The following DLG2 variants were observed in gnomAD, a reference collection of about 807,000 sequenced individuals.
DLG2 encodes the protein disks large homolog 2.
DLG2 carries 45 observed loss-of-function variants against 132.5 expected under a neutral mutation model. The ratio of observed to expected loss-of-function variants is 0.34; its 90% CI spans 0.27 to 0.44. The LOEUF is 0.44. DLG2 is among the 20% of genes least tolerant of loss of function. DLG2 has a pLI of 1.00. For missense variants in DLG2, 1,045 were observed against 1,196.9 expected (o/e 0.87, Z 1.87); for synonymous variants, 424 against 419.6 (o/e 1.01, Z -0.13).
intron 7 of DLG2, among the ~76,000 whole-genome samples, chr11:84,308,100 C>T (rs1332360135): frequency 1.3e-5 from 2 of 152,190 alleles, no homozygotes; most frequent in African/African-American, 4.8e-5. Flanking sequence ...ACTGCTGGCT[C>T]TGGGAGCAGC....
At chr11:84,935,060 T>C (rs931394014) in intron 6 of DLG2, among the ~76,000 whole-genome samples, 2 of 152,174 alleles carry the variant, frequency 1.3e-5, no homozygotes, top group East Asian at 3.9e-4. Flanking sequence ...ATTTATCCAG[T>C]TACATAAGTC....
intron 6 of DLG2, among the ~76,000 whole-genome samples, chr11:84,869,446 T>G (rs1477404471): frequency 6.6e-6 from 1 of 152,188 alleles, no homozygotes; most frequent in African/African-American, 2.4e-5. Flanking sequence ...TTTAAATTAG[T>G]GTGGCTCTGT....
chr11:84,063,517 C>T (rs2096623588), intron 10 of DLG2, among the ~76,000 whole-genome samples: 1 of 107,082 alleles, frequency 9.3e-6, no homozygotes, highest in South Asian at 3.9e-4. Flanking sequence ...CAGGTAATAT[C>T]TACTCTCTCA....
At chr11:84,406,691 A>G (rs1322248455) in intron 7 of DLG2, among the ~76,000 whole-genome samples, 1 of 152,124 alleles carries the variant, frequency 6.6e-6, no homozygotes, top group Non-Finnish European at 1.5e-5. Context: ...GCCTTTTTCA[A>G]TTCTGGAGGG....
intron 18 of DLG2, among the ~76,000 whole-genome samples, chr11:83,634,045 T>C (rs1209992212): frequency 1.3e-5 from 2 of 152,122 alleles, no homozygotes; most frequent in African/African-American, 4.8e-5. Flanking sequence ...CTCAGCCTGA[T>C]AGACCTGACA....
chr11:84,989,673 GA>G (rs2061264008), intron 6 of DLG2, among the ~76,000 whole-genome samples: 1 of 151,968 alleles, frequency 6.6e-6, no homozygotes, highest in Non-Finnish European at 1.5e-5. Context: ...AAAACAAATT[GA>G]AAAAAGAATG....
chr11:84,328,485 G>A (rs547086971), intron 7 of DLG2, among the ~76,000 whole-genome samples: 1 of 152,132 alleles, frequency 6.6e-6, no homozygotes, highest in Non-Finnish European at 1.5e-5. Flanking sequence ...ACACCACTGA[G>A]GCCTCCTTGA....
chr11:83,473,314 T>G (rs2092287593), intron 22 of DLG2, among the ~76,000 whole-genome samples: 1 of 152,094 alleles, frequency 6.6e-6, no homozygotes, highest in Non-Finnish European at 1.5e-5. Flanking sequence ...GGTCAATTAA[T>G]GAAGATCAAA....
intron 15 of DLG2, among the ~76,000 whole-genome samples, chr11:83,894,703 G>T (rs2071037381): frequency 6.6e-6 from 1 of 152,016 alleles, no homozygotes; most frequent in Admixed American, 6.6e-5. Context: ...CAAATTATTG[G>T]TAGCTATAAT....
intron 9 of DLG2, among the ~76,000 whole-genome samples, chr11:84,121,625 G>C (rs368845510): frequency 8.4e-5 from 11 of 130,228 alleles, no homozygotes; most frequent in African/African-American, 2.9e-4. Flanking sequence ...GCAGTGGCAC[G>C]ATCTCGGCTC....
chr11:85,501,669 T>C (rs1157930353), intron 3 of DLG2, among the ~76,000 whole-genome samples: 2 of 152,130 alleles, frequency 1.3e-5, no homozygotes, highest in Non-Finnish European at 2.9e-5. Flanking sequence ...TATGAAAAAA[T>C]GCTCATCATC....
chr11:84,248,470 A>G (rs763935115), intron 8 of DLG2, among the ~76,000 whole-genome samples: 4 of 152,138 alleles, frequency 2.6e-5, no homozygotes, highest in Non-Finnish European at 4.4e-5. Flanking sequence ...TACCATGATA[A>G]TTGGGCCATT....
chr11:84,056,396 C>T lies in DLG2; in HGVS notation c.919+2919G>A, dbSNP rs138611551. 9.9e-5 allele frequency among the ~76,000 whole-genome samples: 15 copies of T among 152,196 alleles called. No individual in the cohort carries two copies. In the East Asian group the frequency reaches 1.9e-3, roughly 20 times the overall value. ...ACCATTTTGTCTCTCCTAGTTATGA[C>T]GAATCACATCTTCCACTTTGTTCCA... On this transcript the variant is annotated intron_variant, in intron 11 of 27. Coordinates refer to ENST00000376104, the MANE Select transcript of DLG2 (RefSeq NM_001142699.3).
chr11:84,021,437 A>C (rs948042186), intron 11 of DLG2, among the ~76,000 whole-genome samples: 2 of 152,110 alleles, frequency 1.3e-5, no homozygotes, highest in African/African-American at 4.8e-5. Flanking sequence ...GAAAGAGCTG[A>C]CCCTGGTTGT....
At chr11:84,472,953 A>G (rs910661980) in intron 7 of DLG2, among the ~76,000 whole-genome samples, 2 of 152,218 alleles carry the variant, frequency 1.3e-5, no homozygotes, top group Admixed American at 1.3e-4. Context: ...AATAAACGTT[A>G]CAACATGTAA....
chr11:84,137,909 C>G (rs1159915584), intron 9 of DLG2, among the ~76,000 whole-genome samples: 2 of 151,212 alleles, frequency 1.3e-5, no homozygotes, highest in Non-Finnish European at 3.0e-5. Flanking sequence ...ATTCTATGTT[C>G]AAAGTGAGAA....
At chr11:84,058,763 G>C (rs2096545678) in intron 11 of DLG2, among the ~76,000 whole-genome samples, 1 of 151,402 alleles carries the variant, frequency 6.6e-6, no homozygotes. Context: ...CAACTCCTCA[G>C]AGTAACTATA....
intron 11 of DLG2, among the ~76,000 whole-genome samples, chr11:83,998,061 G>A (rs116867640): frequency 0.022 from 3,378 of 151,522 alleles, 68 homozygotes; most frequent in Middle Eastern, 0.034. Flanking sequence ...ACTTGAACCC[G>A]GGAGGTGGAG....
intron 3 of DLG2, among the ~76,000 whole-genome samples, chr11:85,516,086 T>C (rs187807523): frequency 1.8e-4 from 28 of 152,074 alleles, no homozygotes; most frequent in Non-Finnish European, 3.7e-4. Context: ...AAATCTTAAT[T>C]ATCATATCAA....
Sources: allele counts gnomAD v4.1 joint callset (sites outside exome capture counted in the v4.1 genomes callset), GRCh38; gene constraint gnomAD v4.1.1; transcripts MANE v1.5; gene names NCBI Gene and HGNC (gene_info 2026-07-23, HGNC 2026-07-21).